PCDH15: variants seen among roughly 807,000 people sequenced by gnomAD.
The protein encoded by PCDH15 is protocadherin-15.
A neutral mutation model predicts 178.5 loss-of-function variants in PCDH15; 129 were observed. The ratio of observed to expected loss-of-function variants is 0.72; its 90% CI spans 0.63 to 0.84. The LOEUF is 0.84. Among genes scored for constraint, PCDH15 ranks in the 40% least tolerant of loss-of-function variants. The pLI is 0.00. For missense variants in PCDH15, 2,230 were observed against 2,099.9 expected, an observed-to-expected ratio of 1.06 and a Z score of -1.21; for synonymous variants, 800 against 732.0, an observed-to-expected ratio of 1.09 and a Z score of -1.50.
At chr10:53,848,780 T>C (rs534439800) in intron 28 of PCDH15, among the ~76,000 whole-genome samples, 44 of 152,068 alleles carry the variant, frequency 2.9e-4, no homozygotes, top group Non-Finnish European at 5.7e-4. Context: ...CGATGATTCA[T>C]TGTGCATTAA....
chr10:55,625,317 A>G (rs1010538844), intron 2 of PCDH15, among the ~76,000 whole-genome samples: 3 of 152,186 alleles, frequency 2.0e-5, no homozygotes, highest in African/African-American at 7.2e-5. Context: ...CATTGATAGA[A>G]GAAAACAAGA....
intron 3 of PCDH15, among the ~76,000 whole-genome samples, chr10:54,430,130 A>G (rs1368483537): frequency 3.7e-5 from 5 of 135,966 alleles, no homozygotes; most frequent in Non-Finnish European, 6.1e-5. Context: ...ATCTCGGCTC[A>G]CTGCAGCCTC....
chr10:54,860,367 T>A (rs772456149), intron 3 of PCDH15, among the ~76,000 whole-genome samples: 2 of 152,160 alleles, frequency 1.3e-5, no homozygotes, highest in African/African-American at 4.8e-5. Context: ...GTATACCCAA[T>A]GCTTAGCTCA....
chr10:54,044,809 G>T (rs2093625600), intron 18 of PCDH15, among the ~76,000 whole-genome samples: 1 of 152,128 alleles, frequency 6.6e-6, no homozygotes, highest in Admixed American at 6.6e-5. Flanking sequence ...GCATCATTGT[G>T]TTCTTTCCTG....
At chr10:54,918,858 T>A (rs142504674) in intron 2 of PCDH15, among the ~76,000 whole-genome samples, 37 of 152,286 alleles carry the variant, frequency 2.4e-4, no homozygotes, top group African/African-American at 7.9e-4. Context: ...ATATCTTAAG[T>A]GAAAAATGTA....
At chr10:54,881,649 T>C (rs556016820) in intron 3 of PCDH15, among the ~76,000 whole-genome samples, 5 of 152,228 alleles carry the variant, frequency 3.3e-5, no homozygotes, top group South Asian at 4.1e-4. Context: ...TCCGTAGTTA[T>C]AGATGATACT....
intron 8 of PCDH15, among the ~76,000 whole-genome samples, chr10:54,255,570 C>A (rs182583288): frequency 6.6e-6 from 1 of 152,054 alleles, no homozygotes; most frequent in African/African-American, 2.4e-5. Flanking sequence ...AGCAAGGTAC[C>A]AATGATAAGA....
chr10:54,731,050 A>C (rs1943260843), intron 1 of PCDH15, among the ~76,000 whole-genome samples: 1 of 151,492 alleles, frequency 6.6e-6, no homozygotes, highest in South Asian at 2.1e-4. Context: ...TAAGGAGCTC[A>C]AGCAACTCAA....
At chr10:54,240,572 C>T (rs1197746934) in intron 8 of PCDH15, among the ~76,000 whole-genome samples, 1 of 149,770 alleles carries the variant, frequency 6.7e-6, no homozygotes, top group Non-Finnish European at 1.5e-5. Context: ...GGTGTGTTGG[C>T]TCTCTTAGAG....
chr10:53,940,271 T>A (rs1322319194), intron 24 of PCDH15, among the ~76,000 whole-genome samples: 1 of 152,152 alleles, frequency 6.6e-6, no homozygotes, highest in Non-Finnish European at 1.5e-5. Context: ...GCTATGACCT[T>A]ATTCCCAGAG....
intron 32 of PCDH15, chr10:53,825,083 T>G: frequency 1.2e-5 from 18 of 1,511,462 alleles, no homozygotes; most frequent in Non-Finnish European, 1.5e-5. Flanking sequence ...TAATCTGTTC[T>G]ATTGTATCTA....
chr10:53,821,983 G>T (rs1446391800), intron 32 of PCDH15: 1 of 1,613,804 alleles, frequency 6.2e-7, no homozygotes, highest in Non-Finnish European at 8.5e-7. Context: ...ATAGTTTGAA[G>T]TTCTGAAACA....
At chr10:54,040,181 T>C (rs1213761555) in intron 18 of PCDH15, among the ~76,000 whole-genome samples, 1 of 151,998 alleles carries the variant, frequency 6.6e-6, no homozygotes, top group East Asian at 1.9e-4. Context: ...ATCTTTGCTA[T>C]TGAGATGGTT....
chr10:55,477,472 G>T (rs111281761), intron 2 of PCDH15, among the ~76,000 whole-genome samples: 1 of 151,872 alleles, frequency 6.6e-6, no homozygotes, highest in South Asian at 2.1e-4. Flanking sequence ...AAGCAGGACC[G>T]CTTCAGTGAC....
At chr10:54,145,531 A>G (rs1434692970) in intron 14 of PCDH15, among the ~76,000 whole-genome samples, 2 of 152,144 alleles carry the variant, frequency 1.3e-5, no homozygotes, top group Admixed American at 1.3e-4. Context: ...TACAAGAGCA[A>G]AAACTTCACA....
chr10:54,319,144 C>T (rs2061445721), intron 7 of PCDH15, among the ~76,000 whole-genome samples: 1 of 152,124 alleles, frequency 6.6e-6, no homozygotes, highest in African/African-American at 2.4e-5. Flanking sequence ...ACTTTCACAG[C>T]ATTTAGTTAT....
chr10:55,406,546 A>G lies in PCDH15; in HGVS notation c.-156+221079T>C, dbSNP rs186523961. Among the ~76,000 whole-genome samples, 130 of 152,314 alleles carry G rather than the reference A, an allele frequency of 8.5e-4. No individual in the cohort carries two copies. In the South Asian group the frequency reaches 0.012, roughly 14 times the overall value. On this transcript the variant is annotated intron_variant, in intron 2 of 5. Transcript: ENST00000613346. Reference sequence around the variant, plus strand: ...GACTGAGCATGTAACAGCATGAAGTAGTCATCAGATGAGGTGGAGACAATA... The same window carrying G: ...GACTGAGCATGTAACAGCATGAAGTGGTCATCAGATGAGGTGGAGACAATA...
chr10:53,909,850 C>A (rs537113726), intron 25 of PCDH15, among the ~76,000 whole-genome samples: 45 of 152,328 alleles, frequency 3.0e-4, no homozygotes, highest in African/African-American at 9.6e-4. Context: ...CACAAGGAGA[C>A]TATACCCACA....
At chr10:54,983,509 G>T (rs975534210) in intron 2 of PCDH15, among the ~76,000 whole-genome samples, 18 of 152,056 alleles carry the variant, frequency 1.2e-4, no homozygotes, top group African/African-American at 3.9e-4. Flanking sequence ...ATTTGTCCTG[G>T]AGACAACTAA....
Sources: allele counts gnomAD v4.1 joint callset (sites outside exome capture counted in the v4.1 genomes callset), GRCh38; gene constraint gnomAD v4.1.1; transcripts MANE v1.5; gene names NCBI Gene and HGNC (gene_info 2026-07-23, HGNC 2026-07-21).